Variants in CEP57L1 observed in about 807,000 individuals in gnomAD.
CEP57L1 encodes the protein centrosomal protein 57 like 1.
A neutral mutation model predicts 61.0 loss-of-function variants in CEP57L1; 37 were observed. That is an observed-to-expected ratio of 0.61 (90% CI 0.47 to 0.80). CEP57L1 has a LOEUF of 0.80. CEP57L1 is among the 30% of genes least tolerant of loss of function. The pLI is 0.00. For missense variants in CEP57L1, 422 were observed against 524.7 expected (o/e 0.80, Z 1.91); for synonymous variants, 137 against 162.3 (o/e 0.84, Z 1.19).
At chr6:109,135,816 G>T (rs1770599218) in intron 1 of CEP57L1, among the ~76,000 whole-genome samples, 1 of 152,240 alleles carries the variant, frequency 6.6e-6, no homozygotes, top group Non-Finnish European at 1.5e-5. Context: ...ATGAAAAACT[G>T]CTCATCATCA....
chr6:109,139,063 G>A (rs1771057800), intron 1 of CEP57L1, among the ~76,000 whole-genome samples: 1 of 152,090 alleles, frequency 6.6e-6, no homozygotes, highest in South Asian at 2.1e-4. Context: ...TTGTGCTTTG[G>A]TGCCAATGTT....
intron 1 of CEP57L1, among the ~76,000 whole-genome samples, chr6:109,112,917 G>C (rs1176803217): frequency 6.6e-6 from 1 of 152,178 alleles, no homozygotes; most frequent in Admixed American, 6.5e-5. Flanking sequence ...GCTGAGGAGT[G>C]TTTTACTTCC....
chr6:109,114,096 T>C (rs1583416894), intron 1 of CEP57L1, among the ~76,000 whole-genome samples: 1 of 152,136 alleles, frequency 6.6e-6, no homozygotes, highest in African/African-American at 2.4e-5. Flanking sequence ...CTGGATTATA[T>C]GGTAATGCTA....
chr6:109,101,628 T>TC (rs1782425974), intron 1 of CEP57L1, among the ~76,000 whole-genome samples: 1 of 149,092 alleles, frequency 6.7e-6, no homozygotes, highest in Non-Finnish European at 1.5e-5. Context: ...TTTTTCTTTT[T>TC]TTTTTTTTTT....
At chr6:109,127,787 AT>A (rs80049866) in intron 1 of CEP57L1, among the ~76,000 whole-genome samples, 556 of 139,928 alleles carry the variant, frequency 4.0e-3, no homozygotes, top group Middle Eastern at 7.5e-3. Context: ...CGCCTGGCTA[AT>A]TTTTTTTTTT....
In CEP57L1 at chr6:109,163,061, T is replaced by C. The variant is rs1419541841; in HGVS notation, c.*91T>C. On this transcript the variant is annotated 3_prime_UTR_variant, in exon 11 of 11. Transcript: ENST00000517392. ...TTAATTTAATATAACTTTGTGACAT[T>C]TTGAATCATGTTTCTAGTTTCTATA... 9 of 800,066 alleles carry C rather than the reference T, an allele frequency of 1.1e-5. No individual in the cohort carries two copies. The highest frequency in any genetic ancestry group is 1.8e-5 in the Non-Finnish European group (9 of 502,086). The allele number at this position is 800,066 out of a possible 1,614,324, so 49.6% of individuals were successfully genotyped here.
chr6:109,151,669 T>G (rs1300733542), intron 4 of CEP57L1, among the ~76,000 whole-genome samples: 1 of 152,118 alleles, frequency 6.6e-6, no homozygotes, highest in Admixed American at 6.5e-5. Flanking sequence ...ATATCATTTT[T>G]CTTCAGTCTG....
intron 1 of CEP57L1, among the ~76,000 whole-genome samples, chr6:109,130,261 G>A (rs574281232): frequency 2.6e-5 from 4 of 152,094 alleles, no homozygotes; most frequent in South Asian, 2.1e-4. Context: ...CTGTAAGTTC[G>A]ACTACTTTAG....
At chr6:109,124,946 T>A (rs1400829176) in intron 1 of CEP57L1, 3 of 152,220 alleles carry the variant, frequency 2.0e-5, no homozygotes, top group Non-Finnish European at 4.4e-5. Flanking sequence ...TCTGAATGTT[T>A]AATGAATGAA....
chr6:109,129,605 C>A, intron 1 of CEP57L1: 1 of 441,494 alleles, frequency 2.3e-6, no homozygotes, highest in South Asian at 1.6e-5. Context: ...TTACCTACTG[C>A]TTACAGAGGT....
intron 1 of CEP57L1, among the ~76,000 whole-genome samples, chr6:109,141,268 T>G (rs1771346487): frequency 6.6e-6 from 1 of 152,122 alleles, no homozygotes; most frequent in Non-Finnish European, 1.5e-5. Context: ...TGTGCTAGTG[T>G]GTAGTGGCGC....
At position 109,120,252 on chromosome 6, in the gene CEP57L1, G is replaced by C. The variant is rs909886032; in HGVS notation, c.-4+24677G>C. On this transcript the variant is annotated intron_variant, in intron 1 of 10. Coordinates refer to ENST00000517392, the MANE Select transcript of CEP57L1 (RefSeq NM_001271852.3). ...CTATACTTCATTATCAAATAATCTA[G>C]GTTACAGGTACATGAAAACATGAAA... Among the ~76,000 whole-genome samples the C allele has an allele frequency of 3.9e-5, 6 of 152,168 alleles. No individual in the cohort carries two copies. In the South Asian group the frequency reaches 6.2e-4, roughly 16 times the overall value.
intron 1 of CEP57L1, among the ~76,000 whole-genome samples, chr6:109,119,619 GGTA>G (rs1312661123): frequency 6.6e-6 from 1 of 152,150 alleles, no homozygotes; most frequent in Non-Finnish European, 1.5e-5. Flanking sequence ...GCAGAGAAAT[GGTA>G]GTCAGTACTT....
At chr6:109,109,138 G>GA (rs1654128114) in intron 1 of CEP57L1, among the ~76,000 whole-genome samples, 1 of 152,114 alleles carries the variant, frequency 6.6e-6, no homozygotes. Context: ...TATCTCAATA[G>GA]TAGTCTCCTG....
chr6:109,159,120 G>A lies in CEP57L1; in HGVS notation c.822+18G>A. On this transcript the variant is annotated intron_variant, in intron 8 of 10. Coordinates refer to ENST00000517392, the MANE Select transcript of CEP57L1 (RefSeq NM_001271852.3). ...CTGAAAAGGTGAGAGGGGATAAAAT[G>A]AAGATAGTCGTTCAAAAAAACTCCT... 1 of 1,614,014 alleles carries A rather than the reference G, an allele frequency of 6.2e-7. No individual in the cohort carries two copies. Among genetic ancestry groups the A allele is most frequent in the South Asian group, 1.1e-5 (1 of 91,078 alleles).
intron 1 of CEP57L1, among the ~76,000 whole-genome samples, chr6:109,144,134 T>A (rs1771714005): frequency 6.6e-6 from 1 of 152,184 alleles, no homozygotes. Flanking sequence ...CTTTATAGCC[T>A]CTAATTTAGA....
chr6:109,146,218 C>T (rs1238974526), intron 2 of CEP57L1, among the ~76,000 whole-genome samples: 1 of 151,718 alleles, frequency 6.6e-6, no homozygotes, highest in African/African-American at 2.4e-5. Flanking sequence ...GTATAGAATA[C>T]TATTATCTTT....
rs1295375046 is a variant in CEP57L1 at position 109,120,910 on chromosome 6, ACG to A, written c.-3-24307_-3-24306del. On this transcript the variant is annotated intron_variant, in intron 1 of 10. Transcript: ENST00000517392. ...TTAGAAAATTCCTATACTTAGACACACGCACACACACACACACACACACACAC... is the reference window on the plus strand; with the variant it reads ...TTAGAAAATTCCTATACTTAGACACACACACACACACACACACACACACAC... Among the ~76,000 whole-genome samples the A allele has an allele frequency of 9.1e-3, 797 of 87,600 alleles. 4 individuals are homozygous for A. Among genetic ancestry groups the A allele is most frequent in the African/African-American group, 0.034 (688 of 20,402 alleles). The allele number at this position is 87,600 out of a possible 152,430, so 57.5% of individuals were successfully genotyped here.
rs75804779 is a variant in CEP57L1, at chr6:109,165,414, C to CAA, written c.*2459_*2460dup. On this transcript the variant is annotated 3_prime_UTR_variant, in exon 11 of 11. Coordinates refer to ENST00000517392, the MANE Select transcript of CEP57L1 (RefSeq NM_001271852.3). ...ATAAATATTTTTTGAATCTGAGTGG[C>CAA]AAAAAAAAAAAAAAAATGTAGAACA... Among the ~76,000 whole-genome samples, 3 of 108,656 alleles carry CAA rather than the reference C, an allele frequency of 2.8e-5. No homozygotes were observed. Among genetic ancestry groups the CAA allele is most frequent in the Admixed American group, 9.6e-5 (1 of 10,376 alleles). 71.3% of individuals were successfully genotyped at this position (108,656 alleles called of 152,430 possible).
Sources: gnomAD v4.1 joint callset for allele counts (sites outside exome capture counted in the v4.1 genomes callset) on GRCh38, gnomAD v4.1.1 for gene constraint, MANE v1.5 for transcripts, NCBI Gene and HGNC (gene_info 2026-07-23, HGNC 2026-07-21) for gene names.